Variants in MTUS2 observed in about 807,000 individuals in gnomAD.
The protein encoded by MTUS2 is microtubule associated scaffold protein 2, also known as microtubule-associated tumor suppressor candidate 2.
In MTUS2, 40 loss-of-function variants were observed where a neutral mutation model predicts 114.1. That is an observed-to-expected ratio of 0.35 (90% confidence interval 0.27 to 0.46). The LOEUF (loss-of-function observed/expected upper bound fraction) is 0.46, where lower values mean the gene tolerates loss of function less well. Among genes scored for constraint, MTUS2 ranks in the 20% least tolerant of loss-of-function variants. MTUS2 has a pLI of 1.00. For missense variants in MTUS2, 1,679 were observed against 1,705.4 expected, an observed-to-expected ratio of 0.98 and a Z score of 0.27; for synonymous variants, 688 against 672.0, an observed-to-expected ratio of 1.02 and a Z score of -0.37.
At chr13:29,207,098 A>G (rs1402117045) in intron 5 of MTUS2, among the ~76,000 whole-genome samples, 1 of 151,834 alleles carries the variant, frequency 6.6e-6, no homozygotes. Context: ...AGTGTTTTAT[A>G]GTTTTCTTTG....
At chr13:29,241,159 C>T (rs1896717068) in intron 5 of MTUS2, among the ~76,000 whole-genome samples, 1 of 152,168 alleles carries the variant, frequency 6.6e-6, no homozygotes, top group Non-Finnish European at 1.5e-5. Context: ...AGCCCCAGCC[C>T]TGGGTTACAG....
intron 8 of MTUS2, among the ~76,000 whole-genome samples, chr13:29,437,433 A>G (rs1170332934): frequency 6.6e-6 from 1 of 152,232 alleles, no homozygotes; most frequent in African/African-American, 2.4e-5. Context: ...AGATTATTTC[A>G]GGGTCAGTAC....
At chr13:29,157,820 G>GTAGATA (rs1332176828) in intron 5 of MTUS2, among the ~76,000 whole-genome samples, 322 of 115,486 alleles carry the variant, frequency 2.8e-3, no homozygotes, top group Non-Finnish European at 5.1e-3. Flanking sequence ...AGATATAGAT[G>GTAGATA]TAGATATAGA....
At chr13:29,374,087 A>G (rs2138318391) in intron 8 of MTUS2, among the ~76,000 whole-genome samples, 1 of 152,344 alleles carries the variant, frequency 6.6e-6, no homozygotes, top group African/African-American at 2.4e-5. Flanking sequence ...AAATAACTGG[A>G]TGGAAATGAT....
chr13:28,995,159 T>G (rs1885040415), intron 2 of MTUS2, among the ~76,000 whole-genome samples: 1 of 152,232 alleles, frequency 6.6e-6, no homozygotes, highest in South Asian at 2.1e-4. Flanking sequence ...AAATAGGGAA[T>G]CATTTCCCCA....
intron 5 of MTUS2, among the ~76,000 whole-genome samples, chr13:29,216,504 G>A (rs1050749373): frequency 6.6e-6 from 1 of 152,174 alleles, no homozygotes. Flanking sequence ...CCCTGGTGGT[G>A]CAGGCACATG....
intron 5 of MTUS2, among the ~76,000 whole-genome samples, chr13:29,109,607 G>A (rs1178433709): frequency 6.6e-6 from 1 of 152,048 alleles, no homozygotes; most frequent in African/African-American, 2.4e-5. Flanking sequence ...TTTCCTCATT[G>A]TAAAATAATA....
intron 2 of MTUS2, among the ~76,000 whole-genome samples, chr13:28,868,043 T>C (rs1483685799): frequency 6.6e-6 from 1 of 152,176 alleles, no homozygotes; most frequent in Non-Finnish European, 1.5e-5. Flanking sequence ...CAGAACACTT[T>C]CTGGTCAAAT....
At chr13:29,369,345 C>T (rs1871010914) in intron 8 of MTUS2, among the ~76,000 whole-genome samples, 1 of 152,034 alleles carries the variant, frequency 6.6e-6, no homozygotes. Context: ...AAATCTGTGC[C>T]CGGAGAAAAG....
chr13:28,972,239 G>T (rs975596468), intron 2 of MTUS2, among the ~76,000 whole-genome samples: 6 of 152,200 alleles, frequency 3.9e-5, no homozygotes, highest in African/African-American at 1.4e-4. Context: ...GGAAGATGCA[G>T]CCCTTGGCAT....
intron 8 of MTUS2, among the ~76,000 whole-genome samples, chr13:29,394,806 A>T (rs915255761): frequency 4.6e-5 from 7 of 152,116 alleles, no homozygotes; most frequent in Non-Finnish European, 1.0e-4. Flanking sequence ...TTCGATTCTC[A>T]TAGGAACACA....
intron 8 of MTUS2, among the ~76,000 whole-genome samples, chr13:29,382,303 CA>C (rs1397067196): frequency 6.6e-6 from 1 of 152,148 alleles, no homozygotes; most frequent in East Asian, 1.9e-4. Flanking sequence ...AGAAGACTCA[CA>C]CTTGGGGGAC....
chr13:29,289,505 C>T (rs1898621927), intron 6 of MTUS2, among the ~76,000 whole-genome samples: 1 of 151,316 alleles, frequency 6.6e-6, no homozygotes, highest in Admixed American at 6.6e-5. Context: ...CTCTGTCGCC[C>T]AGGCTGGAGT....
intron 14 of MTUS2, among the ~76,000 whole-genome samples, chr13:29,500,060 C>T (rs180853814): frequency 6.6e-6 from 1 of 152,060 alleles, no homozygotes. Context: ...AGCCACCCAT[C>T]TTCCCCCTCC....
At chr13:28,847,535 A>G (rs998069354) in intron 2 of MTUS2, among the ~76,000 whole-genome samples, 1 of 152,180 alleles carries the variant, frequency 6.6e-6, no homozygotes, top group Non-Finnish European at 1.5e-5. Context: ...CCCCTTGCCT[A>G]TCAATTTCCG....
chr13:29,126,727 A>C (rs1891533087), intron 5 of MTUS2, among the ~76,000 whole-genome samples: 1 of 151,940 alleles, frequency 6.6e-6, no homozygotes, highest in African/African-American at 2.4e-5. Flanking sequence ...GGGAAGCTAC[A>C]TATTGGACAC....
intron 6 of MTUS2, among the ~76,000 whole-genome samples, chr13:29,320,645 G>A (rs1282225054): frequency 2.6e-5 from 4 of 152,194 alleles, no homozygotes; most frequent in Non-Finnish European, 5.9e-5. Context: ...ACTTCCTACT[G>A]AAGCCCAGGG....
At chr13:29,400,952 A>G (rs1391514855) in intron 8 of MTUS2, among the ~76,000 whole-genome samples, 1 of 152,160 alleles carries the variant, frequency 6.6e-6, no homozygotes, top group Non-Finnish European at 1.5e-5. Flanking sequence ...TAGAGAGCCT[A>G]GCGTTGTGTC....
chr13:29,197,519 C>T (rs1894753104), intron 5 of MTUS2, among the ~76,000 whole-genome samples: 1 of 152,194 alleles, frequency 6.6e-6, no homozygotes. Context: ...AATAGTGCAG[C>T]AATAAACATA....
Sources: allele counts gnomAD v4.1 joint callset (sites outside exome capture counted in the v4.1 genomes callset), GRCh38; gene constraint gnomAD v4.1.1; transcripts MANE v1.5; gene names NCBI Gene and HGNC (gene_info 2026-07-23, HGNC 2026-07-21).